The following EBF2 variants were observed in gnomAD, a reference collection of about 807,000 sequenced individuals.
EBF2 encodes the protein transcription factor COE2.
A neutral mutation model predicts 72.8 loss-of-function variants in EBF2; 21 were observed. The ratio of observed to expected loss-of-function variants is 0.29; its 90% confidence interval spans 0.20 to 0.42. The LOEUF is 0.42. Among genes scored for constraint, EBF2 ranks in the 10% least tolerant of loss-of-function variants. The pLI, the probability that EBF2 is intolerant of heterozygous loss-of-function variation, is 1.00. For missense variants in EBF2, 637 were observed against 731.2 expected, an observed-to-expected ratio of 0.87 and a Z score of 1.49; for synonymous variants, 299 against 274.2, an observed-to-expected ratio of 1.09 and a Z score of -0.89.
At chr8:25,925,493 G>C (rs569181628) in intron 6 of EBF2, among the ~76,000 whole-genome samples, 53 of 152,076 alleles carry the variant, frequency 3.5e-4, no homozygotes, top group Non-Finnish European at 4.9e-4. Context: ...ATTATCATTT[G>C]TCAGCCTTTG....
chr8:25,982,476 G>A (rs938051196), intron 6 of EBF2, among the ~76,000 whole-genome samples: 8 of 152,300 alleles, frequency 5.3e-5, no homozygotes, highest in African/African-American at 1.9e-4. Context: ...CAAAAAGTAA[G>A]TGGTCATGGG....
intron 6 of EBF2, among the ~76,000 whole-genome samples, chr8:25,927,778 G>A (rs1359174982): frequency 6.6e-6 from 1 of 152,166 alleles, no homozygotes; most frequent in African/African-American, 2.4e-5. Flanking sequence ...CCTAAACAGT[G>A]TGGGGTTTAT....
chr8:26,042,995 G>T (rs1316936256), intron 1 of EBF2, among the ~76,000 whole-genome samples: 2 of 152,210 alleles, frequency 1.3e-5, no homozygotes, highest in Non-Finnish European at 2.9e-5. Context: ...GAGGTGCTAG[G>T]TGGGGAAAAG....
chr8:25,862,601 A>G (rs2117263874), intron 11 of EBF2, 108 bp downstream of exon 11: 1 of 750,302 alleles, frequency 1.3e-6, no homozygotes, highest in African/African-American at 1.8e-5. Flanking sequence ...AGCTTAGCCA[A>G]ATTTCAAGGC....
chr8:25,985,031 T>C (rs538604996), intron 6 of EBF2, among the ~76,000 whole-genome samples: 4 of 152,294 alleles, frequency 2.6e-5, no homozygotes, highest in African/African-American at 9.6e-5. Flanking sequence ...AACTCTGCTC[T>C]TAAGGGAGAC....
intron 6 of EBF2, among the ~76,000 whole-genome samples, chr8:25,915,944 G>T (rs898336598): frequency 1.3e-5 from 2 of 152,142 alleles, no homozygotes; most frequent in Admixed American, 6.5e-5. Flanking sequence ...TGGCAATGAT[G>T]ATGATGATTC....
In EBF2 at chr8:26,025,912, C is replaced by T. The variant is rs1230128412; in HGVS notation, c.551+7173G>A. On this transcript the variant is annotated intron_variant, in intron 6 of 15. Transcript: ENST00000520164. ...ATACATTGAGTGCAGCAGCCCACACCAGTAATCACAACACTGTGGAAGCCT... is the reference window on the plus strand; with the variant it reads ...ATACATTGAGTGCAGCAGCCCACACTAGTAATCACAACACTGTGGAAGCCT... 3.0e-4 allele frequency among the ~76,000 whole-genome samples: 45 copies of T among 152,046 alleles called. 1 individual carries two copies. Among genetic ancestry groups the T allele is most frequent in the Admixed American group, 2.9e-3 (45 of 15,268 alleles).
chr8:26,044,676 G>A lies in EBF2; in HGVS notation c.131+53C>T. On this transcript the variant is annotated intron_variant, in intron 1 of 15. Transcript: ENST00000520164. This position sits in a 1 kb window ranked among gnomAD's most constrained non-coding sequence, Gnocchi z 4.1. ...TGCGCGGGGGGGGTGCACACGGAGA[G>A]ACAGACCGTAAGAGCGAGAGACAGC... 1 of 1,592,432 alleles carries A rather than the reference G, an allele frequency of 6.3e-7. No homozygotes were observed. Among genetic ancestry groups the A allele is most frequent in the East Asian group, 2.2e-5 (1 of 44,504 alleles).
intron 15 of EBF2, among the ~76,000 whole-genome samples, chr8:25,848,899 AC>A (rs1457205665): frequency 2.0e-5 from 3 of 152,130 alleles, no homozygotes; most frequent in Non-Finnish European, 4.4e-5. Flanking sequence ...AAACATCAAC[AC>A]TGAAGAGGTC....
rs34153696 is a variant in EBF2 at position 26,005,830 on chromosome 8, C to CAAA, written c.551+27252_551+27254dup. On this transcript the variant is annotated intron_variant, in intron 6 of 15. Coordinates refer to ENST00000520164, the MANE Select transcript of EBF2 (RefSeq NM_022659.4). ...TGAGCAACAGAGCAAGACCAAGTCT[C>CAAA]AAAAAAAAAAAAAAAAGATTTTAAA... Among the ~76,000 whole-genome samples the CAAA allele has an allele frequency of 3.4e-5, 4 of 118,574 alleles. No individual in the cohort carries two copies. In the South Asian group the frequency reaches 1.1e-3, roughly 34 times the overall value. 77.8% of individuals were successfully genotyped at this position (118,574 alleles called of 152,430 possible).
chr8:26,005,228 C>A (rs1404074939), intron 6 of EBF2, among the ~76,000 whole-genome samples: 14 of 82,522 alleles, frequency 1.7e-4, no homozygotes, highest in East Asian at 3.4e-4. Context: ...TAGAATATAT[C>A]TATATGTGAT....
chr8:25,922,954 G>GA (rs34525953), intron 6 of EBF2, among the ~76,000 whole-genome samples: 52,466 of 141,718 alleles, frequency 0.37, 10,374 homozygotes, highest in East Asian at 0.62. Context: ...ACTACTAAAG[G>GA]AAAAAAAAAA....
At chr8:26,026,541 C>G (rs188817551) in intron 6 of EBF2, among the ~76,000 whole-genome samples, 2 of 152,284 alleles carry the variant, frequency 1.3e-5, no homozygotes, top group Non-Finnish European at 2.9e-5. Flanking sequence ...ATCCGAGGCC[C>G]TTTTGCTGCA....
chr8:26,005,804 A>G (rs1292838077), intron 6 of EBF2, among the ~76,000 whole-genome samples: 2 of 143,282 alleles, frequency 1.4e-5, no homozygotes, highest in Non-Finnish European at 3.0e-5. Flanking sequence ...GCACTCCAGC[A>G]TGAGCAACAG....
At chr8:25,959,483 G>A (rs989812972) in intron 6 of EBF2, among the ~76,000 whole-genome samples, 3 of 152,236 alleles carry the variant, frequency 2.0e-5, no homozygotes, top group Non-Finnish European at 4.4e-5. Context: ...GGGATTACAG[G>A]CATGAGCCAC....
chr8:25,892,688 A>ATATTT (rs1162333907), intron 7 of EBF2, among the ~76,000 whole-genome samples: 2 of 152,244 alleles, frequency 1.3e-5, no homozygotes, highest in East Asian at 3.8e-4. Context: ...ATAGTGTCAC[A>ATATTT]TCTTGAACAT....
intron 6 of EBF2, among the ~76,000 whole-genome samples, chr8:25,947,216 T>A (rs770046266): frequency 1.2e-4 from 18 of 151,974 alleles, no homozygotes; most frequent in Non-Finnish European, 2.4e-4. Context: ...TGGGGGTGGG[T>A]TTTTCCCATG....
intron 6 of EBF2, among the ~76,000 whole-genome samples, chr8:25,914,710 CT>C (rs1803182112): frequency 2.0e-5 from 3 of 152,180 alleles, no homozygotes. Flanking sequence ...GACTTACTGG[CT>C]TCTTTAGGCT....
intron 6 of EBF2, among the ~76,000 whole-genome samples, chr8:26,011,327 C>T (rs1804978407): frequency 6.6e-6 from 1 of 152,184 alleles, no homozygotes; most frequent in Non-Finnish European, 1.5e-5. Flanking sequence ...GCGATAGCAG[C>T]GACCAATCAT....
Sources: gnomAD v4.1 joint callset for allele counts (sites outside exome capture counted in the v4.1 genomes callset) on GRCh38, gnomAD v4.1.1 for gene constraint, Gnocchi (gnomAD v3.1) non-coding constraint, MANE v1.5 for transcripts, NCBI Gene and HGNC (gene_info 2026-07-23, HGNC 2026-07-21) for gene names.